ZNF549: variants seen among roughly 807,000 people sequenced by gnomAD.
ZNF549 encodes zinc finger protein 549.
Under a neutral mutation model 11.1 loss-of-function variants are expected in ZNF549, and 11 were observed. That is an observed-to-expected ratio of 0.99 (90% CI 0.62 to 1.64). ZNF549 has a LOEUF of 1.64. Ranked by LOEUF, ZNF549 falls within the 40% of genes most tolerant of loss-of-function variation. The probability of loss-of-function intolerance (pLI) is 0.00; values close to 1 mark genes in which losing one functional copy is unlikely to be tolerated. For missense variants in ZNF549, 748 were observed against 765.1 expected, an observed-to-expected ratio of 0.98 and a Z score of 0.26; for synonymous variants, 266 against 269.1, an observed-to-expected ratio of 0.99 and a Z score of 0.11.
At chr19:57,536,636 C>T (rs140513252) in intron 3 of ZNF549, among the ~76,000 whole-genome samples, 2 of 152,160 alleles carry the variant, frequency 1.3e-5, no homozygotes, top group African/African-American at 4.8e-5. Context: ...AAACCATTGA[C>T]AGAGAAGGGA....
intron 2 of ZNF549, among the ~76,000 whole-genome samples, chr19:57,533,283 ATG>A (rs1568589384): frequency 1.3e-5 from 2 of 152,168 alleles, no homozygotes; most frequent in Admixed American, 1.3e-4. Flanking sequence ...TGAAATTCAC[ATG>A]TGTTTCTAAA....
chr19:57,537,144 T>C, intron 3 of ZNF549, 60 bp from the exon 4 acceptor site: 2 of 1,537,130 alleles, frequency 1.3e-6, no homozygotes, highest in East Asian at 2.3e-5. Context: ...GTATTTGTAA[T>C]GGAGCTGTTC....
In ZNF549 at chr19:57,538,030, C is replaced by T; in HGVS notation, c.1026C>T (p.Arg342=). The T allele has an allele frequency of 6.2e-7, 1 of 1,614,096 alleles. No individual in the cohort carries two copies. The highest frequency in any genetic ancestry group is 8.5e-7 in the Non-Finnish European group (1 of 1,180,018). ...GCAATGTATGTGGGAAATCATTCCG[C>T]CACAAACAAACATTTGTTGGCCATC... The part of the protein sequence containing the change: ...YVCNVCGKSF[R]HKQTFVGHQQ... Residue 342 remains arginine, a synonymous_variant, in exon 4 of 4, where the codon CGC becomes CGT. Transcript: ENST00000376233.
chr19:57,535,556 T>A (rs1335447951), intron 3 of ZNF549, among the ~76,000 whole-genome samples: 1 of 152,216 alleles, frequency 6.6e-6, no homozygotes, highest in Non-Finnish European at 1.5e-5. Flanking sequence ...TGTTCAGTTC[T>A]GTGGTGGACC....
intron 2 of ZNF549, 117 bp from the exon 3 acceptor site, chr19:57,535,027 G>T: frequency 7.2e-7 from 1 of 1,379,376 alleles, no homozygotes; most frequent in Non-Finnish European, 9.8e-7. Context: ...GAGCCCAGTG[G>T]GAGACACCAT....
At chr19:57,535,034 C>A in intron 2 of ZNF549, 110 bp from the exon 3 acceptor site, 1 of 1,437,580 alleles carries the variant, frequency 7.0e-7, no homozygotes, top group Non-Finnish European at 9.4e-7. Context: ...GTGGGAGACA[C>A]CATAAGGACC....
At chr19:57,536,597 C>T (rs1300830325) in intron 3 of ZNF549, among the ~76,000 whole-genome samples, 1 of 152,118 alleles carries the variant, frequency 6.6e-6, no homozygotes, top group Non-Finnish European at 1.5e-5. Context: ...GCAGGTCTCC[C>T]CTGTCTCCAT....
chr19:57,535,116 C>A, intron 2 of ZNF549, 28 bp from the exon 3 acceptor site: 1 of 1,609,596 alleles, frequency 6.2e-7, no homozygotes, highest in Non-Finnish European at 8.5e-7. Flanking sequence ...TGAGTCTGCT[C>A]ATGATTTCAT....
At position 57,540,771 on chromosome 19, in the gene ZNF549, AAAAC is replaced by A. The variant is rs1486957802; in HGVS notation, c.*1848_*1851del. ...TGACACTTCTCAAAAAACAAAAACA[AAAAC>A]AAAAAGAACAGATAAGAAATACGTG... is the stretch of plus-strand genomic sequence containing the variant. On this transcript the variant is annotated 3_prime_UTR_variant, in exon 4 of 4. Transcript: ENST00000376233. The A allele has an allele frequency of 2.6e-5, 4 of 152,230 alleles. No individual in the cohort carries two copies. The highest frequency in any genetic ancestry group is 7.2e-5 in the African/African-American group (3 of 41,544). The allele number at this position is 152,230 out of a possible 1,614,324, so 9.4% of individuals were successfully genotyped here.
At position 57,527,411 on chromosome 19, in the gene ZNF549, C is replaced by A; in HGVS notation, c.-163C>A. The A allele has an allele frequency of 1.1e-5, 11 of 1,031,206 alleles. 1 individual carries two copies. In the South Asian group the frequency reaches 1.4e-4, roughly 13 times the overall value. 63.9% of individuals were successfully genotyped at this position (1,031,206 alleles called of 1,614,324 possible). A position where few individuals can be genotyped will look rare whatever the true frequency, so the allele number is the denominator to read the frequency against. On this transcript the variant is annotated 5_prime_UTR_variant, in exon 1 of 4. Coordinates refer to ENST00000376233, the MANE Select transcript of ZNF549 (RefSeq NM_001199295.2). The stretch of plus-strand genomic sequence containing the variant: ...CTGGGCGTTTCCGGCTCGCTGGGTC[C>A]GGGCCAGGTAACTGGAGCCGGAAAC...
intron 3 of ZNF549, among the ~76,000 whole-genome samples, chr19:57,536,658 C>T (rs1326607236): frequency 1.3e-5 from 2 of 152,130 alleles, no homozygotes; most frequent in Admixed American, 1.3e-4. Context: ...TTGTATGCCC[C>T]CTGCCTCTCT....
intron 2 of ZNF549, among the ~76,000 whole-genome samples, chr19:57,534,434 C>T (rs1416611917): frequency 6.6e-6 from 1 of 152,076 alleles, no homozygotes; most frequent in Non-Finnish European, 1.5e-5. Flanking sequence ...GACGGTGTGA[C>T]AGATTAGGTT....
chr19:57,534,479 G>T (rs978955618), intron 2 of ZNF549, among the ~76,000 whole-genome samples: 1 of 152,174 alleles, frequency 6.6e-6, no homozygotes, highest in African/African-American at 2.4e-5. Context: ...GAGTCATTCA[G>T]CCTGTGGTGG....
Position 57,527,405 on chromosome 19 carries a change from T to C in ZNF549, c.-169T>C, listed in dbSNP as rs2089881898. On this transcript the variant is annotated 5_prime_UTR_variant, in exon 1 of 4. Coordinates refer to ENST00000376233, the MANE Select transcript of ZNF549 (RefSeq NM_001199295.2). Reference sequence around the variant, plus strand: ...CGCGGGCTGGGCGTTTCCGGCTCGCTGGGTCCGGGCCAGGTAACTGGAGCC... The same window carrying C: ...CGCGGGCTGGGCGTTTCCGGCTCGCCGGGTCCGGGCCAGGTAACTGGAGCC... The C allele has an allele frequency of 2.1e-6, 2 of 949,960 alleles. No individual in the cohort carries two copies. Among genetic ancestry groups the C allele is most frequent in the Non-Finnish European group, 1.6e-6 (1 of 628,034 alleles). The allele number at this position is 949,960 out of a possible 1,614,324, so 58.8% of individuals were successfully genotyped here.
chr19:57,536,934 T>C (rs1178863747), intron 3 of ZNF549, among the ~76,000 whole-genome samples: 1 of 151,906 alleles, frequency 6.6e-6, no homozygotes, highest in African/African-American at 2.4e-5. Flanking sequence ...CCACAAGAAA[T>C]TCTAAAAAAA....
chr19:57,535,402 C>T, intron 3 of ZNF549, 132 bp downstream of exon 3: 1 of 1,335,802 alleles, frequency 7.5e-7, no homozygotes, highest in South Asian at 1.7e-5. Flanking sequence ...CTGTGGAAGA[C>T]ATAGGCGTTG....
At chr19:57,533,005 C>G (rs1046152105) in intron 2 of ZNF549, among the ~76,000 whole-genome samples, 9 of 152,218 alleles carry the variant, frequency 5.9e-5, no homozygotes, top group Non-Finnish European at 1.0e-4. Flanking sequence ...CCACCACGCC[C>G]AACTAATTTT....
chr19:57,527,687 G>A (rs1369921368), intron 1 of ZNF549, 81 bp downstream of exon 1: 13 of 1,537,988 alleles, frequency 8.5e-6, no homozygotes, highest in South Asian at 4.7e-5. Flanking sequence ...TGCAGTTCAG[G>A]CCTCTTCTCC....
rs767554571 is a variant in ZNF549, at chr19:57,535,245, G to A, written c.174G>A (p.Glu58=). The A allele has an allele frequency of 1.9e-6, 3 of 1,613,966 alleles. No homozygotes were observed. Among genetic ancestry groups the A allele is most frequent in the Admixed American group, 1.7e-5 (1 of 60,028 alleles). Residue 58 remains glutamate, a synonymous_variant, in exon 3 of 4, where the codon GAG becomes GAA. Coordinates refer to ENST00000376233, the MANE Select transcript of ZNF549 (RefSeq NM_001199295.2). ...QRCLYHDVML[E]NFSLMASVGC... Reference sequence around the variant, plus strand: ...GCCTGTATCATGATGTGATGCTGGAGAACTTTTCGCTTATGGCCTCAGTAG... The same window carrying A: ...GCCTGTATCATGATGTGATGCTGGAAAACTTTTCGCTTATGGCCTCAGTAG...
Sources: allele counts gnomAD v4.1 joint callset (sites outside exome capture counted in the v4.1 genomes callset), GRCh38; gene constraint gnomAD v4.1.1; transcripts MANE v1.5; gene names NCBI Gene and HGNC (gene_info 2026-07-23, HGNC 2026-07-21).